Variants in SH3KBP1 observed in about 807,000 individuals in gnomAD.
The protein encoded by SH3KBP1 is SH3 domain-containing kinase-binding protein 1.
In SH3KBP1, 8 loss-of-function variants were observed where a neutral mutation model predicts 50.1. The observed-to-expected ratio is 0.16, with a 90% CI of 0.09 to 0.29. The LOEUF (loss-of-function observed/expected upper bound fraction) is 0.29, where lower values mean the gene tolerates loss of function less well. Among genes scored for constraint, SH3KBP1 ranks in the 10% least tolerant of loss-of-function variants. The pLI is 1.00. For synonymous variants in SH3KBP1, 227 were observed against 218.6 expected (o/e 1.04, Z -0.34); for missense variants, 377 against 535.2 (o/e 0.70, Z 2.92).
At chrX:19,679,254 C>T (rs2062993169) in intron 6 of SH3KBP1, among the ~76,000 whole-genome samples, 1 of 112,036 alleles carries the variant, frequency 8.9e-6, no homozygotes, top group Non-Finnish European at 1.9e-5. Context: ...TTTTCTGTAG[C>T]TCCCTGAGGG....
At chrX:19,820,730 T>G (rs2067501733) in intron 2 of SH3KBP1, among the ~76,000 whole-genome samples, 1 of 111,448 alleles carries the variant, frequency 9.0e-6, no homozygotes, top group South Asian at 3.7e-4. Flanking sequence ...CATTGTATTA[T>G]TTGTTTTCTG....
chrX:19,582,908 G>C (rs963469298), intron 12 of SH3KBP1, among the ~76,000 whole-genome samples: 1 of 110,707 alleles, frequency 9.0e-6, no homozygotes, highest in Non-Finnish European at 1.9e-5. Context: ...TCTATCTCTT[G>C]CCCTATCAGA....
intron 2 of SH3KBP1, among the ~76,000 whole-genome samples, chrX:19,764,814 C>CTT (rs762356814): frequency 2.1e-5 from 2 of 95,273 alleles, no homozygotes; most frequent in Middle Eastern, 5.2e-3. Context: ...CGCTCCAACT[C>CTT]TTTTTTTTTT....
At chrX:19,835,328 G>A (rs1179182644) in intron 2 of SH3KBP1, among the ~76,000 whole-genome samples, 1 of 109,719 alleles carries the variant, frequency 9.1e-6, no homozygotes, top group Non-Finnish European at 1.9e-5. Context: ...TGTAGAGACA[G>A]GGATCTCCCT....
At chrX:19,622,410 A>C (rs750037352) in intron 8 of SH3KBP1, among the ~76,000 whole-genome samples, 4 of 112,451 alleles carry the variant, frequency 3.6e-5, no homozygotes, top group Non-Finnish European at 7.5e-5. Context: ...TGTATCCTCA[A>C]TATGCCCTCA....
At chrX:19,541,573 G>C (rs2064900988) in intron 16 of SH3KBP1, among the ~76,000 whole-genome samples, 1 of 112,198 alleles carries the variant, frequency 8.9e-6, no homozygotes, top group South Asian at 3.7e-4. Context: ...TAGCTGTTGA[G>C]CTTATTTAAG....
intron 9 of SH3KBP1, among the ~76,000 whole-genome samples, chrX:19,598,510 G>A (rs1162593025): frequency 8.9e-6 from 1 of 111,838 alleles, no homozygotes; most frequent in African/African-American, 3.3e-5. Context: ...AAGAGGCCTA[G>A]CTTTTGGCCT....
At chrX:19,805,211 C>A (rs974639008) in intron 2 of SH3KBP1, among the ~76,000 whole-genome samples, 4 of 110,465 alleles carry the variant, frequency 3.6e-5, no homozygotes, top group Non-Finnish European at 3.8e-5. Flanking sequence ...TAAAGCAATA[C>A]ATTGTTCCAT....
chrX:19,885,844 C>G (rs759403740), intron 1 of SH3KBP1, among the ~76,000 whole-genome samples: 2 of 111,272 alleles, frequency 1.8e-5, no homozygotes, highest in Non-Finnish European at 3.8e-5. Flanking sequence ...GTTCTGTCCC[C>G]AGCAGAGGAG....
chrX:19,814,482 C>A (rs1410539354), intron 2 of SH3KBP1, among the ~76,000 whole-genome samples: 2 of 111,356 alleles, frequency 1.8e-5, no homozygotes, highest in Admixed American at 9.5e-5. Flanking sequence ...CTATTGCTCT[C>A]CCCTGCCCTC....
rs1463579961 is a variant in SH3KBP1 at position 19,534,297 on chromosome X, A to G, written c.*2120T>C. 9.1e-6 allele frequency: 1 copy of G among 109,967 alleles called. No homozygotes were observed. The highest frequency in any genetic ancestry group is 3.3e-5 in the African/African-American group (1 of 30,182). 9.1% of individuals were successfully genotyped at this position (109,967 alleles called of 1,213,427 possible). Reference sequence around the variant, plus strand: ...AGACATACCAACTTCTCCTTCCAGAATCACTTCTCCCTCTCCTTATACAAA... The same window carrying G: ...AGACATACCAACTTCTCCTTCCAGAGTCACTTCTCCCTCTCCTTATACAAA... On this transcript the variant is annotated 3_prime_UTR_variant, in exon 18 of 18. Transcript: ENST00000397821.
chrX:19,570,425 G>A (rs1402761751), intron 12 of SH3KBP1, among the ~76,000 whole-genome samples: 2 of 111,839 alleles, frequency 1.8e-5, no homozygotes, highest in Non-Finnish European at 3.8e-5. Flanking sequence ...CAAGTCCCCC[G>A]GGACCAAAGC....
chrX:19,695,710 T>C lies in SH3KBP1; in HGVS notation c.422A>G (p.Asn141Ser), dbSNP rs1035282437. ...GGAAGGAAACATTCCAGTCTTCCCG[T>C]TGAGAACACCTTCCCACCATCCTTC... ...VEEGWWEGVL[N>S]GKTGMFPSNF... The change falls in exon 5 of 18, where the codon AAC becomes AGC. Residue 141 changes from asparagine to serine, a missense_variant. By Grantham distance (46) the Asn-to-Ser change is conservative. This residue lies in a region of SH3KBP1 where 257 missense variants were observed against 374.2 expected (regional missense o/e 0.69). Transcript: ENST00000397821. The C allele has an allele frequency of 8.3e-7, 1 of 1,206,852 alleles. No individual in the cohort carries two copies. Among genetic ancestry groups the C allele is most frequent in the African/African-American group, 1.8e-5 (1 of 56,484 alleles).
intron 7 of SH3KBP1, among the ~76,000 whole-genome samples, chrX:19,634,031 G>GGTGTGTGTGTGTGTGTGT (rs60109180): frequency 1.2e-4 from 4 of 32,159 alleles, no homozygotes; most frequent in African/African-American, 2.3e-4. Context: ...TTTGTTCCCT[G>GGTGTGTGTGTGTGTGTGT]GTGTGTGTGT....
intron 9 of SH3KBP1, among the ~76,000 whole-genome samples, chrX:19,595,822 G>A (rs899272744): frequency 3.6e-5 from 4 of 111,777 alleles, no homozygotes; most frequent in Non-Finnish European, 7.5e-5. Flanking sequence ...AGACAGCTGT[G>A]TTAGGGGGAA....
intron 2 of SH3KBP1, among the ~76,000 whole-genome samples, chrX:19,828,705 GC>G (rs1314206938): frequency 1.8e-5 from 2 of 111,499 alleles, no homozygotes; most frequent in African/African-American, 3.3e-5. Context: ...GATCACTTGA[GC>G]CCAGGAGTTT....
chrX:19,649,058 G>A (rs536623992), intron 6 of SH3KBP1, among the ~76,000 whole-genome samples: 3 of 111,559 alleles, frequency 2.7e-5, no homozygotes, highest in Admixed American at 1.9e-4. Context: ...ATCAGGAATC[G>A]CATCCATACA....
intron 3 of SH3KBP1, among the ~76,000 whole-genome samples, chrX:19,715,441 T>C (rs890449349): frequency 1.8e-5 from 2 of 111,711 alleles, no homozygotes; most frequent in Non-Finnish European, 3.8e-5. Flanking sequence ...AAATTTTCTG[T>C]GCATTAAAAT....
At chrX:19,773,287 C>T (rs1200400565) in intron 2 of SH3KBP1, among the ~76,000 whole-genome samples, 2 of 111,219 alleles carry the variant, frequency 1.8e-5, no homozygotes, top group African/African-American at 6.6e-5. Context: ...GGAATTGTAC[C>T]TCACTTCAAA....
Sources: allele counts gnomAD v4.1 joint callset (sites outside exome capture counted in the v4.1 genomes callset), GRCh38; gene constraint gnomAD v4.1.1; regional missense constraint gnomAD v4.1.1; transcripts MANE v1.5; gene names NCBI Gene and HGNC (gene_info 2026-07-23, HGNC 2026-07-21).